Variants in PLEKHM1 observed in about 807,000 individuals in gnomAD.
PLEKHM1 encodes the protein pleckstrin homology and RUN domain containing M1, also known as pleckstrin homology domain-containing family M member 1.
PLEKHM1 carries 28 observed loss-of-function variants against 94.3 expected under a neutral mutation model. The ratio of observed to expected loss-of-function variants is 0.30; its 90% CI spans 0.22 to 0.41. PLEKHM1 has a LOEUF of 0.41. Among genes scored for constraint, PLEKHM1 ranks in the 10% least tolerant of loss-of-function variants. The pLI is 1.00. For missense variants in PLEKHM1, 907 were observed against 1,358.6 expected (o/e 0.67, Z 5.22); for synonymous variants, 424 against 581.2 (o/e 0.73, Z 3.89).
chr17:45,458,753 G>T (rs1317847573), intron 5 of PLEKHM1, among the ~76,000 whole-genome samples: 1 of 150,498 alleles, frequency 6.6e-6, no homozygotes, highest in African/African-American at 2.4e-5. Flanking sequence ...TTACAGGTGT[G>T]AGTCACTGTG....
At chr17:45,447,173 G>A (rs998515394) in intron 8 of PLEKHM1, among the ~76,000 whole-genome samples, 4 of 152,218 alleles carry the variant, frequency 2.6e-5, no homozygotes, top group Non-Finnish European at 4.4e-5. Context: ...TGAGGGTTGG[G>A]GGACTAAACT....
chr17:45,468,717 A>T (rs952814374), intron 4 of PLEKHM1, 124 bp from the exon 5 acceptor site: 62 of 963,308 alleles, frequency 6.4e-5, no homozygotes, highest in Non-Finnish European at 9.9e-5. Flanking sequence ...CACCCTCTAA[A>T]TGATCCACTG....
At chr17:45,452,989 C>G in intron 7 of PLEKHM1, 1 of 448,310 alleles carries the variant, frequency 2.2e-6, no homozygotes. Flanking sequence ...CTTATAAAAG[C>G]AGCAGAAATA....
At chr17:45,456,924 G>C (rs1007485099) in intron 6 of PLEKHM1, among the ~76,000 whole-genome samples, 4 of 152,196 alleles carry the variant, frequency 2.6e-5, no homozygotes, top group Non-Finnish European at 5.9e-5. Flanking sequence ...GCTCACACCT[G>C]TAATCCCAGC....
In PLEKHM1 at chr17:45,468,328, G is replaced by A; in HGVS notation, c.1189C>T (p.Gln397Ter). Residue 397 changes from glutamine to a stop codon, truncating the protein, a stop_gained, in exon 5 of 12, where the codon CAG (glutamine) becomes TAG (stop). Coordinates refer to ENST00000430334, the MANE Select transcript of PLEKHM1 (RefSeq NM_014798.3). LOFTEE classifies it high-confidence loss of function. The stretch of plus-strand genomic sequence containing the variant: ...GTCTCGCTGACAGTACTAGAAGGCT[G>A]CTGGCCTGAGGTGCTCTCTACAGGC... ...QQPVESTSGQ[Q>*]PSSTVSETAR... 6.2e-7 allele frequency: 1 copy of A among 1,613,854 alleles called. No homozygotes were observed. Among genetic ancestry groups the A allele is most frequent in the Non-Finnish European group, 8.5e-7 (1 of 1,179,940 alleles).
At chr17:45,450,488 C>T in intron 8 of PLEKHM1, 130 bp downstream of exon 8, 3 of 1,445,122 alleles carry the variant, frequency 2.1e-6, no homozygotes, top group Non-Finnish European at 2.9e-6. Flanking sequence ...CATCACAGTG[C>T]CTGAACCAGT....
intron 1 of PLEKHM1, chr17:45,487,703 A>G (rs546114992): frequency 2.4e-5 from 11 of 456,114 alleles, no homozygotes; most frequent in African/African-American, 2.0e-4. Flanking sequence ...AAGCAAAAAA[A>G]GAGAATGACT....
chr17:45,478,906 C>G (rs1389088543), intron 2 of PLEKHM1, among the ~76,000 whole-genome samples: 1 of 152,118 alleles, frequency 6.6e-6, no homozygotes, highest in Non-Finnish European at 1.5e-5. Context: ...GATGGGCCTC[C>G]TCAGACATTC....
chr17:45,439,485 G>A lies in PLEKHM1; in HGVS notation c.3051C>T (p.Thr1017=). ...CTGGGTGTCCCGCATACCTGACTGT[G>A]GTGTCAAACTCAAAGGGGAAGATGA... The part of the protein sequence containing the change: ...HDIIFPFEFD[T]TVRCAECKTV... Residue 1017 remains threonine (T), a synonymous_variant, in exon 11 of 12, where the codon ACC becomes ACT. Transcript: ENST00000430334. The A allele has an allele frequency of 6.2e-7, 1 of 1,614,192 alleles. No individual in the cohort carries two copies. Among genetic ancestry groups the A allele is most frequent in the Non-Finnish European group, 8.5e-7 (1 of 1,180,038 alleles).
chr17:45,451,482 C>T (rs913611425), intron 7 of PLEKHM1, among the ~76,000 whole-genome samples: 1 of 152,192 alleles, frequency 6.6e-6, no homozygotes, highest in Non-Finnish European at 1.5e-5. Context: ...GGTCCCCGGG[C>T]CTTGGGACCA....
At position 45,458,387 on chromosome 17, in the gene PLEKHM1, T is replaced by G. The variant is rs774636888; in HGVS notation, c.1361A>C (p.Gln454Pro). The G allele has an allele frequency of 6.2e-7, 1 of 1,613,974 alleles. No homozygotes were observed. The highest frequency in any genetic ancestry group is 2.2e-5 in the East Asian group (1 of 44,890). ...EDDFYRPSRE[Q>P]PLESASDHPI... ...GTGGTCTGAAGCACTCTCCAGGGGT[T>G]GCTCCCGGGAAGGCCGGTAGAAGTC... Residue 454 changes from glutamine to proline, a missense_variant, in exon 6 of 12, where the codon CAA becomes CCA. By Grantham distance (76) the Gln-to-Pro change is moderately conservative (BLOSUM62 -1). Coordinates refer to ENST00000430334, the MANE Select transcript of PLEKHM1 (RefSeq NM_014798.3).
Position 45,472,456 on chromosome 17 carries a change from G to T in PLEKHM1, c.923+2644C>A, listed in dbSNP as rs549439430. Among the ~76,000 whole-genome samples the T allele has an allele frequency of 1.8e-4, 27 of 152,270 alleles. No individual in the cohort carries two copies. In the South Asian group the frequency reaches 5.6e-3, roughly 32 times the overall value. Reference sequence around the variant, plus strand: ...TGGAATTTTCCATCACAAGACACATGAGATAAAGGCGAGACATATGACAAG... The same window carrying T: ...TGGAATTTTCCATCACAAGACACATTAGATAAAGGCGAGACATATGACAAG... On this transcript the variant is annotated intron_variant, in intron 4 of 11. Transcript: ENST00000430334.
rs1219993382 is a variant in PLEKHM1 at position 45,468,442 on chromosome 17, G to C, written c.1075C>G (p.Leu359Val). ...GTTCCAGAGGCTGCCTGGGCAGGAA[G>C]GGGCTCTGCAGGTGCCTCACAGTGC... ...YLHCEAPAEP[L>V]PAQAASGTQD... The change falls in exon 5 of 12, where the codon CTT (leucine) becomes GTT (valine). Residue 359 changes from leucine to valine, a missense_variant. By Grantham distance (32) the Leu-to-Val change is conservative (BLOSUM62 1). This residue lies in a region of PLEKHM1 where 477 missense variants were observed against 601.5 expected (regional missense o/e 0.79). Coordinates refer to ENST00000430334, the MANE Select transcript of PLEKHM1 (RefSeq NM_014798.3). The C allele has an allele frequency of 6.2e-7, 1 of 1,614,256 alleles. No individual in the cohort carries two copies. The highest frequency in any genetic ancestry group is 8.5e-7 in the Non-Finnish European group (1 of 1,180,044).
At position 45,437,153 on chromosome 17, in the gene PLEKHM1, G is replaced by GTT. The variant is rs1348151437; in HGVS notation, c.*704_*705insAA. The GTT allele has an allele frequency of 2.2e-6, 1 of 453,364 alleles. No individual in the cohort carries two copies. The highest frequency in any genetic ancestry group is 4.4e-6 in the Non-Finnish European group (1 of 226,048). 28.1% of individuals were successfully genotyped at this position (453,364 alleles called of 1,614,324 possible). A position where few individuals can be genotyped will look rare whatever the true frequency, so the allele number is the denominator to read the frequency against. ...AGCTAGGGGCTCTGACGCTGAGAAA[G>GTT]CGGTGGGCTCAGCAGGCGAGACGCA... On this transcript the variant is annotated 3_prime_UTR_variant, in exon 12 of 12. Transcript: ENST00000430334. The surrounding 1 kb of genome is among the most constrained non-coding windows in gnomAD (Gnocchi z 4.0).
chr17:45,457,366 C>T lies in PLEKHM1; in HGVS notation c.1579+803G>A, dbSNP rs368731220. Reference sequence around the variant, plus strand: ...ATCACCGGAGGTCGGGAGTTGGAGACCAGCCTAACCAATTTCGAGAAACCC... The same window carrying T: ...ATCACCGGAGGTCGGGAGTTGGAGATCAGCCTAACCAATTTCGAGAAACCC... On this transcript the variant is annotated intron_variant, in intron 6 of 11. Transcript: ENST00000430334. Among the ~76,000 whole-genome samples the T allele has an allele frequency of 4.5e-4, 68 of 151,878 alleles. 1 individual carries two copies. In the East Asian group the frequency reaches 0.011, roughly 24 times the overall value.
chr17:45,479,149 G>A (rs933996508), intron 2 of PLEKHM1, among the ~76,000 whole-genome samples: 4 of 152,104 alleles, frequency 2.6e-5, no homozygotes, highest in Middle Eastern at 3.4e-3. Flanking sequence ...CAAGGCAGGC[G>A]GATCACTTGA....
At chr17:45,435,146 T>C (rs2050228239), downstream of PLEKHM1, among the ~76,000 whole-genome samples, 2 of 152,038 alleles carry the variant, frequency 1.3e-5, no homozygotes, top group Non-Finnish European at 2.9e-5. Flanking sequence ...TACCATCTAC[T>C]GTCCTGGAGG....
chr17:45,479,608 C>T (rs1363659723), intron 2 of PLEKHM1, among the ~76,000 whole-genome samples: 1 of 151,892 alleles, frequency 6.6e-6, no homozygotes, highest in Non-Finnish European at 1.5e-5. Flanking sequence ...ATCACTTAAA[C>T]CCAGGAGGCA....
intron 5 of PLEKHM1, among the ~76,000 whole-genome samples, chr17:45,467,624 G>A (rs1260758405): frequency 6.6e-6 from 1 of 152,134 alleles, no homozygotes; most frequent in Non-Finnish European, 1.5e-5. Flanking sequence ...AGCCAGACAT[G>A]GAGGTGGGCA....
Sources: allele counts gnomAD v4.1 joint callset (sites outside exome capture counted in the v4.1 genomes callset), GRCh38; gene constraint gnomAD v4.1.1; regional missense constraint gnomAD v4.1.1; non-coding constraint Gnocchi (gnomAD v3.1); transcripts MANE v1.5; gene names NCBI Gene and HGNC (gene_info 2026-07-23, HGNC 2026-07-21).